The following CNTN1 variants were observed in gnomAD, a reference collection of about 807,000 sequenced individuals.
CNTN1 encodes the protein contactin 1.
Under a neutral mutation model 126.4 loss-of-function variants are expected in CNTN1, and 38 were observed. That is an observed-to-expected ratio of 0.30 (90% CI 0.23 to 0.39). CNTN1 has a LOEUF of 0.39. Ranked by LOEUF, CNTN1 falls within the 10% of genes least tolerant of loss-of-function variation. The probability of loss-of-function intolerance (pLI) is 1.00; values close to 1 mark genes in which losing one functional copy is unlikely to be tolerated. For synonymous variants in CNTN1, 413 were observed against 422.6 expected, an observed-to-expected ratio of 0.98 and a Z score of 0.28; for missense variants, 1,009 against 1,248.4, an observed-to-expected ratio of 0.81 and a Z score of 2.89.
At chr12:41,042,037 T>C (rs1949427030) in intron 23 of CNTN1, among the ~76,000 whole-genome samples, 1 of 152,228 alleles carries the variant, frequency 6.6e-6, no homozygotes, top group Non-Finnish European at 1.5e-5. Flanking sequence ...TTTCCTGCTT[T>C]CTCTTATGGG....
At chr12:40,805,414 T>C (rs73112699) in intron 1 of CNTN1, among the ~76,000 whole-genome samples, 5,958 of 152,096 alleles carry the variant, frequency 0.039, 384 homozygotes, top group African/African-American at 0.13. Flanking sequence ...TTAAGTTCAT[T>C]GAATGTTTCC....
At chr12:40,980,048 C>T (rs1335745624) in intron 15 of CNTN1, among the ~76,000 whole-genome samples, 6 of 152,028 alleles carry the variant, frequency 3.9e-5, no homozygotes, top group Admixed American at 3.9e-4. Flanking sequence ...CTATAACTAA[C>T]ATGAAATGTA....
At chr12:40,991,055 A>T (rs558514991) in intron 16 of CNTN1, among the ~76,000 whole-genome samples, 11 of 152,314 alleles carry the variant, frequency 7.2e-5, no homozygotes, top group African/African-American at 2.4e-4. Flanking sequence ...CCAACAAATT[A>T]ACATAAACTT....
At chr12:40,878,756 AT>A (rs1438241629) in intron 1 of CNTN1, among the ~76,000 whole-genome samples, 2 of 152,192 alleles carry the variant, frequency 1.3e-5, no homozygotes, top group Non-Finnish European at 2.9e-5. Context: ...AGTATTTTAC[AT>A]TTTTTGAGTG....
At chr12:40,805,532 T>G (rs1940817771) in intron 1 of CNTN1, among the ~76,000 whole-genome samples, 1 of 152,120 alleles carries the variant, frequency 6.6e-6, no homozygotes. Flanking sequence ...ACTTAAAGTT[T>G]CCATCTTCCT....
At chr12:40,904,163 C>A (rs1015905308) in intron 1 of CNTN1, among the ~76,000 whole-genome samples, 2 of 151,172 alleles carry the variant, frequency 1.3e-5, no homozygotes, top group African/African-American at 2.4e-5. Flanking sequence ...GGACTACAGG[C>A]GCCTGCCACC....
chr12:40,890,407 G>T (rs1026488633), intron 1 of CNTN1, among the ~76,000 whole-genome samples: 3 of 152,060 alleles, frequency 2.0e-5, no homozygotes, highest in African/African-American at 7.2e-5. Context: ...ACATCCTATG[G>T]ATTTGCATGA....
At chr12:40,844,214 T>G (rs1942410731) in intron 1 of CNTN1, among the ~76,000 whole-genome samples, 1 of 151,698 alleles carries the variant, frequency 6.6e-6, no homozygotes, top group African/African-American at 2.4e-5. Context: ...TCTACAGGCA[T>G]GCGCCACCAT....
intron 10 of CNTN1, among the ~76,000 whole-genome samples, 173 bp downstream of exon 10, chr12:40,937,078 T>A (rs1946106826): frequency 1.3e-5 from 2 of 152,124 alleles, no homozygotes; most frequent in South Asian, 4.1e-4. Flanking sequence ...TCTTTCAGTT[T>A]AAACAACTTT....
intron 23 of CNTN1, among the ~76,000 whole-genome samples, chr12:41,037,713 T>A (rs1189236137): frequency 6.6e-6 from 1 of 151,422 alleles, no homozygotes; most frequent in East Asian, 1.9e-4. Context: ...TATTTATATA[T>A]AACATGTGAA....
intron 1 of CNTN1, among the ~76,000 whole-genome samples, chr12:40,694,521 T>G (rs776797821): frequency 1.3e-5 from 2 of 152,170 alleles, no homozygotes; most frequent in Non-Finnish European, 2.9e-5. Flanking sequence ...TCCCCTCAAA[T>G]AGAATACTTT....
chr12:40,707,257 T>TGAGACGGAG (rs1941789288), intron 1 of CNTN1, among the ~76,000 whole-genome samples: 1 of 111,764 alleles, frequency 8.9e-6, no homozygotes, highest in Non-Finnish European at 1.9e-5. Flanking sequence ...TTTTTTTTTT[T>TGAGACGGAG]TTTTTTTTTG....
intron 1 of CNTN1, among the ~76,000 whole-genome samples, chr12:40,809,595 C>G (rs1161138652): frequency 2.0e-5 from 3 of 152,112 alleles, no homozygotes; most frequent in Non-Finnish European, 2.9e-5. Context: ...GAGGCCAAGG[C>G]AGGCGGATCA....
chr12:40,929,733 A>G (rs1263732860), intron 6 of CNTN1, 63 bp from the exon 7 acceptor site: 1 of 1,251,724 alleles, frequency 8.0e-7, no homozygotes, highest in Non-Finnish European at 1.2e-6. Context: ...ACTAGCCTCT[A>G]TTAAATTATG....
At chr12:40,958,349 ATATG>A (rs938930302) in intron 14 of CNTN1, among the ~76,000 whole-genome samples, 13 of 114,118 alleles carry the variant, frequency 1.1e-4, no homozygotes, top group Admixed American at 3.8e-4. Context: ...GTGTGTGTAT[ATATG>A]TGTGTGTGTG....
chr12:41,060,205 A>G (rs1052015161), intron 23 of CNTN1, among the ~76,000 whole-genome samples: 3 of 152,186 alleles, frequency 2.0e-5, no homozygotes, highest in African/African-American at 7.2e-5. Context: ...AAGCAAAGCA[A>G]TAGAACGAGC....
intron 17 of CNTN1, among the ~76,000 whole-genome samples, chr12:40,996,324 G>A (rs1002078035): frequency 2.0e-5 from 3 of 151,914 alleles, no homozygotes; most frequent in Non-Finnish European, 2.9e-5. Flanking sequence ...GTAGAGACTG[G>A]GTTTCTCCAT....
At chr12:40,813,266 G>T (rs1421586486) in intron 1 of CNTN1, among the ~76,000 whole-genome samples, 1 of 149,154 alleles carries the variant, frequency 6.7e-6, no homozygotes, top group Non-Finnish European at 1.5e-5. Flanking sequence ...TGCAGAACAT[G>T]CAGATTTGTT....
intron 1 of CNTN1, among the ~76,000 whole-genome samples, chr12:40,731,106 A>G (rs80355524): frequency 0.014 from 2,070 of 152,160 alleles, 22 homozygotes; most frequent in Non-Finnish European, 0.021. Context: ...TTAAATTTAA[A>G]AATTGGGATA....
Sources: gnomAD v4.1 joint callset for allele counts (sites outside exome capture counted in the v4.1 genomes callset) on GRCh38, gnomAD v4.1.1 for gene constraint, MANE v1.5 for transcripts, NCBI Gene and HGNC (gene_info 2026-07-23, HGNC 2026-07-21) for gene names.